Variants in KLF15 observed in about 807,000 individuals in gnomAD.
KLF15 encodes Krueppel-like factor 15.
In KLF15, 4 loss-of-function variants were observed where a neutral mutation model predicts 24.6. The observed-to-expected ratio is 0.16, with a 90% CI of 0.08 to 0.37. KLF15 has a LOEUF of 0.37. KLF15 is among the 10% of genes least tolerant of loss of function. The pLI is 1.00. For synonymous variants in KLF15, 246 were observed against 236.3 expected, an observed-to-expected ratio of 1.04 and a Z score of -0.37; for missense variants, 496 against 560.6, an observed-to-expected ratio of 0.88 and a Z score of 1.16.
the KLF15 span, among the ~76,000 whole-genome samples, chr3:126,303,301 A>G: frequency 6.6e-6 from 1 of 151,946 alleles, no homozygotes; most frequent in African/African-American, 2.4e-5. Flanking sequence ...TTCTGCCTGA[A>G]GGACTTCTGG....
chr3:126,300,881 G>A, the KLF15 span, among the ~76,000 whole-genome samples: 1 of 152,206 alleles, frequency 6.6e-6, no homozygotes, highest in Admixed American at 6.5e-5. Context: ...AATGCACGGA[G>A]GGTCCGCTGA....
the KLF15 span, among the ~76,000 whole-genome samples, chr3:126,299,305 C>G: frequency 6.6e-6 from 1 of 152,016 alleles, no homozygotes; most frequent in Non-Finnish European, 1.5e-5. Context: ...CTCAGCTTGG[C>G]TGTTGTTGGC....
chr3:126,353,936 C>G (rs1483167852), intron 1 of KLF15: 1 of 152,488 alleles, frequency 6.6e-6, no homozygotes, highest in African/African-American at 2.4e-5. Context: ...AACCACCCCC[C>G]CAGCCCATCC....
the KLF15 span, among the ~76,000 whole-genome samples, chr3:126,298,064 C>G: frequency 2.0e-5 from 3 of 152,168 alleles, no homozygotes; most frequent in Admixed American, 6.5e-5. Flanking sequence ...ACATTCCTAC[C>G]AGCAGTGTAG....
At chr3:126,294,179 G>A in the KLF15 span, among the ~76,000 whole-genome samples, 1 of 152,092 alleles carries the variant, frequency 6.6e-6, no homozygotes, top group African/African-American at 2.4e-5. Context: ...TTTTCGGTGG[G>A]CCAGATCAGT....
At chr3:126,337,929 C>G (rs7619823), downstream of KLF15, among the ~76,000 whole-genome samples, 9,327 of 151,970 alleles carry the variant, frequency 0.061, 976 homozygotes, top group African/African-American at 0.21. Context: ...AAAAGCAAGT[C>G]CCTGGGTGCC....
chr3:126,321,643 A>G, the KLF15 span, among the ~76,000 whole-genome samples: 3 of 152,290 alleles, frequency 2.0e-5, no homozygotes, highest in East Asian at 5.8e-4. Context: ...GCATGGTGGG[A>G]TGGTGGGAGT....
intron 1 of KLF15, among the ~76,000 whole-genome samples, chr3:126,354,735 T>C (rs1030949828): frequency 6.6e-6 from 1 of 152,250 alleles, no homozygotes; most frequent in East Asian, 1.9e-4. Context: ...CTAGACACTG[T>C]GAAGGGCACA....
the KLF15 span, among the ~76,000 whole-genome samples, chr3:126,292,944 A>G: frequency 1.5e-3 from 225 of 152,072 alleles, 1 homozygote; most frequent in African/African-American, 5.2e-3. Flanking sequence ...GCAGAGGGGG[A>G]AAAAGTGATG....
Position 126,356,935 on chromosome 3 carries a change from A to C in KLF15, c.-26+302T>G. Among the ~76,000 whole-genome samples the C allele has an allele frequency of 1.3e-5, 2 of 150,840 alleles. No homozygotes were observed. Among genetic ancestry groups the C allele is most frequent in the Non-Finnish European group, 3.0e-5 (2 of 67,656 alleles). On this transcript the variant is annotated intron_variant, in intron 1 of 2. Coordinates refer to ENST00000296233, the MANE Select transcript of KLF15 (RefSeq NM_014079.4). This position sits in a 1 kb window ranked among gnomAD's most constrained non-coding sequence, Gnocchi z 4.4. ...ACCAGGCCGCGCCGGTGCCCACCAT[A>C]TGGGAGGGCCGGCCCGCAAGGCGCG... is the stretch of plus-strand genomic sequence containing the variant.
chr3:126,321,937 G>T, the KLF15 span, among the ~76,000 whole-genome samples: 7,233 of 152,262 alleles, frequency 0.048, 253 homozygotes, highest in South Asian at 0.15. Flanking sequence ...CATCTACACC[G>T]AAGAGCAAAT....
chr3:126,314,621 C>A, the KLF15 span, among the ~76,000 whole-genome samples: 1 of 152,174 alleles, frequency 6.6e-6, no homozygotes, highest in Non-Finnish European at 1.5e-5. Context: ...CCCACAGTGA[C>A]CCCAGCAGGG....
At chr3:126,288,270 T>C in the KLF15 span, 1 of 152,202 alleles carries the variant, frequency 6.6e-6, no homozygotes, top group Non-Finnish European at 1.5e-5. Flanking sequence ...ATTAAAATAT[T>C]CAGAAATCAT....
the KLF15 span, among the ~76,000 whole-genome samples, chr3:126,316,569 G>C: frequency 2.5e-4 from 38 of 150,738 alleles, 1 homozygote; most frequent in East Asian, 7.3e-3. Context: ...ACACGGGCTG[G>C]AGTAGGGAAG....
At chr3:126,289,697 T>A in the KLF15 span, among the ~76,000 whole-genome samples, 1 of 152,264 alleles carries the variant, frequency 6.6e-6, no homozygotes, top group African/African-American at 2.4e-5. Context: ...CTTACCATGT[T>A]AATATCTTCT....
the KLF15 span, among the ~76,000 whole-genome samples, chr3:126,320,689 C>T: frequency 2.6e-5 from 4 of 152,106 alleles, no homozygotes; most frequent in African/African-American, 7.2e-5. Context: ...CCCAGACTGC[C>T]CTGTGGATGC....
At chr3:126,314,302 A>T in the KLF15 span, among the ~76,000 whole-genome samples, 1 of 152,058 alleles carries the variant, frequency 6.6e-6, no homozygotes, top group Non-Finnish European at 1.5e-5. Flanking sequence ...ATCACCAAGG[A>T]CCACACATAC....
At chr3:126,302,416 G>T in the KLF15 span, among the ~76,000 whole-genome samples, 1,248 of 149,266 alleles carry the variant, frequency 8.4e-3, 20 homozygotes, top group African/African-American at 0.029. Flanking sequence ...TGTTATTTAA[G>T]GCTTCTATAT....
rs140642516 is a variant in KLF15 at position 126,352,527 on chromosome 3, G to A, written c.396C>T (p.Asp132=). 2,811 of 1,613,108 alleles carry A rather than the reference G, an allele frequency of 1.7e-3. 5 individuals are homozygous for A. The highest frequency in any genetic ancestry group is 9.4e-3 in the Middle Eastern group (57 of 6,062). The change falls in exon 2 of 3, where the codon GAC becomes GAT. Residue 132 remains aspartate, a synonymous_variant. Coordinates refer to ENST00000296233, the MANE Select transcript of KLF15 (RefSeq NM_014079.4). ...GGGTAGGCTGGAAGGGCCGTGGGAC[G>A]TCATCAGGATCACCCAAAGGAAACT... ...LPEFPLGDPD[D]VPRPFQPTLE... is the part of the protein sequence containing the mutation.
Sources: gnomAD v4.1 joint callset for allele counts (sites outside exome capture counted in the v4.1 genomes callset) on GRCh38, gnomAD v4.1.1 for gene constraint, Gnocchi (gnomAD v3.1) non-coding constraint, MANE v1.5 for transcripts, NCBI Gene and HGNC (gene_info 2026-07-23, HGNC 2026-07-21) for gene names.